Variants in GLIS3 observed in about 807,000 individuals in gnomAD.
GLIS3 encodes zinc finger protein GLIS3.
Under a neutral mutation model 78.6 loss-of-function variants are expected in GLIS3, and 53 were observed. That is an observed-to-expected ratio of 0.67 (90% CI 0.54 to 0.85). The LOEUF (loss-of-function observed/expected upper bound fraction) is 0.85. GLIS3 is among the 40% of genes least tolerant of loss of function. The pLI is 0.00. For missense variants in GLIS3, 1,703 were observed against 1,231.1 expected (o/e 1.38, Z -5.74); for synonymous variants, 684 against 509.9 (o/e 1.34, Z -4.60).
intron 2 of GLIS3, among the ~76,000 whole-genome samples, chr9:4,168,208 C>CACAT (rs1430948519): frequency 6.6e-6 from 1 of 152,150 alleles, no homozygotes; most frequent in Non-Finnish European, 1.5e-5. Flanking sequence ...CACACACACA[C>CACAT]ACATACATAC....
At chr9:3,945,900 G>A (rs1332195605) in intron 4 of GLIS3, among the ~76,000 whole-genome samples, 1 of 152,208 alleles carries the variant, frequency 6.6e-6, no homozygotes, top group Non-Finnish European at 1.5e-5. Context: ...TGAGACCTAT[G>A]TCTTAGCACA....
chr9:4,044,544 C>T (rs916268332), intron 4 of GLIS3, among the ~76,000 whole-genome samples: 2 of 152,142 alleles, frequency 1.3e-5, no homozygotes, highest in East Asian at 1.9e-4. Flanking sequence ...TCCAATGGGT[C>T]CATCTTATCC....
At chr9:4,406,380 G>C in the GLIS3 span, among the ~76,000 whole-genome samples, 2 of 152,190 alleles carry the variant, frequency 1.3e-5, no homozygotes, top group Non-Finnish European at 2.9e-5. Context: ...GAGTGCAATT[G>C]TGCGATCTTG....
chr9:4,128,589 T>C (rs1024868240), intron 2 of GLIS3, among the ~76,000 whole-genome samples: 1 of 152,206 alleles, frequency 6.6e-6, no homozygotes, highest in African/African-American at 2.4e-5. Flanking sequence ...TGATATACAG[T>C]ACCATTTTTC....
chr9:4,489,735 C>A, the GLIS3 span, among the ~76,000 whole-genome samples: 1 of 152,182 alleles, frequency 6.6e-6, no homozygotes, highest in Non-Finnish European at 1.5e-5. Flanking sequence ...CTAATCACTG[C>A]CCCAAGCCTC....
chr9:4,445,413 G>T, the GLIS3 span, among the ~76,000 whole-genome samples: 3 of 152,172 alleles, frequency 2.0e-5, no homozygotes, highest in Non-Finnish European at 4.4e-5. Context: ...GATTGCTTGA[G>T]GCCAGGAGTT....
At chr9:4,033,779 G>A (rs1004318860) in intron 4 of GLIS3, among the ~76,000 whole-genome samples, 1 of 144,080 alleles carries the variant, frequency 6.9e-6, no homozygotes, top group African/African-American at 2.6e-5. Flanking sequence ...ATGAATGCCA[G>A]CTATTTAAGA....
At chr9:4,035,108 A>G (rs1280721998) in intron 4 of GLIS3, 1 of 152,236 alleles carries the variant, frequency 6.6e-6, no homozygotes, top group Non-Finnish European at 1.5e-5. Context: ...AAGTACTAGG[A>G]GTAGAAATAA....
chr9:3,829,212 T>C lies in GLIS3; in HGVS notation c.2656+98A>G, dbSNP rs7029652. 181,586 of 988,192 alleles carry C rather than the reference T, an allele frequency of 0.18. 18,322 individuals are homozygous for C. Among genetic ancestry groups the C allele is most frequent in the Non-Finnish European group, 0.21 (129,750 of 618,398 alleles). 61.2% of individuals were successfully genotyped at this position (988,192 alleles called of 1,614,324 possible). On this transcript the variant is annotated intron_variant, in intron 10 of 10. Coordinates refer to ENST00000381971, the MANE Select transcript of GLIS3 (RefSeq NM_001042413.2). Reference sequence around the variant, plus strand: ...CGTTCAACAGGATTTGATGCGGTCATGTGCTTGGTCACGTCCAGCCCAGGT... The same window carrying C: ...CGTTCAACAGGATTTGATGCGGTCACGTGCTTGGTCACGTCCAGCCCAGGT...
intron 6 of GLIS3, among the ~76,000 whole-genome samples, chr9:3,899,180 A>G (rs1663247007): frequency 6.6e-6 from 1 of 152,218 alleles, no homozygotes; most frequent in South Asian, 2.1e-4. Flanking sequence ...AAGTAGATTT[A>G]GTCCATCTTG....
In GLIS3 at chr9:4,059,684, G is replaced by A. The variant is rs190719916; in HGVS notation, c.1710+58084C>T. The stretch of plus-strand genomic sequence containing the variant: ...TGGCCATTCCAAATTAGTTAAGTTG[G>A]GCTACTTTCTTCTCACTCTGACAAT... On this transcript the variant is annotated intron_variant, in intron 4 of 10. Transcript: ENST00000381971. Among the ~76,000 whole-genome samples, 66 of 152,082 alleles carry A rather than the reference G, an allele frequency of 4.3e-4. 1 individual carries two copies. In the East Asian group the frequency reaches 9.5e-3, roughly 22 times the overall value.
intron 2 of GLIS3, among the ~76,000 whole-genome samples, chr9:4,214,902 G>C (rs897977975): frequency 1.3e-5 from 2 of 152,188 alleles, no homozygotes; most frequent in Non-Finnish European, 2.9e-5. Flanking sequence ...TTATCCAAGA[G>C]GGGATTCACA....
intron 4 of GLIS3, among the ~76,000 whole-genome samples, chr9:4,036,679 T>A (rs145690911): frequency 6.6e-6 from 1 of 152,264 alleles, no homozygotes; most frequent in East Asian, 1.9e-4. Context: ...AAACGGCGCA[T>A]TACCTGAGAA....
intron 4 of GLIS3, among the ~76,000 whole-genome samples, chr9:3,937,755 G>A (rs1037932262): frequency 6.6e-6 from 1 of 152,184 alleles, no homozygotes; most frequent in East Asian, 1.9e-4. Flanking sequence ...GAGTGACCAT[G>A]TTAATGTATA....
At chr9:4,267,320 G>C (rs964865627) in intron 2 of GLIS3, among the ~76,000 whole-genome samples, 7 of 152,180 alleles carry the variant, frequency 4.6e-5, no homozygotes, top group African/African-American at 1.7e-4. Context: ...TATAAATTGA[G>C]AGTAGACAGC....
At chr9:4,126,542 G>T (rs1832597644) in intron 2 of GLIS3, among the ~76,000 whole-genome samples, 1 of 152,156 alleles carries the variant, frequency 6.6e-6, no homozygotes, top group Admixed American at 6.5e-5. Context: ...AAACAGCATG[G>T]TAACCAAATT....
chr9:4,055,061 T>C (rs898632031), intron 4 of GLIS3, among the ~76,000 whole-genome samples: 1 of 152,218 alleles, frequency 6.6e-6, no homozygotes, highest in East Asian at 1.9e-4. Context: ...CCTCTTTTCC[T>C]TGTCCAGTGG....
At chr9:4,355,605 T>C in the GLIS3 span, among the ~76,000 whole-genome samples, 4 of 151,634 alleles carry the variant, frequency 2.6e-5, no homozygotes, top group Non-Finnish European at 5.9e-5. Context: ...GAAGGAGGAG[T>C]CAAAGACAAG....
At chr9:4,281,155 C>G (rs775232945) in intron 2 of GLIS3, among the ~76,000 whole-genome samples, 8 of 152,102 alleles carry the variant, frequency 5.3e-5, no homozygotes, top group Non-Finnish European at 5.9e-5. Context: ...ACCACAAATA[C>G]TAATGGGATG....
Sources: gnomAD v4.1 joint callset for allele counts (sites outside exome capture counted in the v4.1 genomes callset) on GRCh38, gnomAD v4.1.1 for gene constraint, MANE v1.5 for transcripts, NCBI Gene and HGNC (gene_info 2026-07-23, HGNC 2026-07-21) for gene names.